Variants in ANOS1 observed in about 807,000 individuals in gnomAD.
The protein encoded by ANOS1 is anosmin 1, also known as anosmin-1.
In ANOS1, 6 loss-of-function variants were observed where a neutral mutation model predicts 59.0. The ratio of observed to expected loss-of-function variants is 0.10; its 90% CI spans 0.06 to 0.20. The LOEUF is 0.20. Ranked by LOEUF, ANOS1 falls within the 10% of genes least tolerant of loss-of-function variation. The probability of loss-of-function intolerance (pLI) is 1.00; values close to 1 mark genes in which losing one functional copy is unlikely to be tolerated. For synonymous variants in ANOS1, 217 were observed against 223.4 expected (o/e 0.97, Z 0.25); for missense variants, 433 against 542.3 (o/e 0.80, Z 2.00).
intron 3 of ANOS1, among the ~76,000 whole-genome samples, chrX:8,605,894 A>G (rs1350679029): frequency 2.8e-5 from 3 of 108,278 alleles, no homozygotes; most frequent in Non-Finnish European, 5.7e-5. Context: ...ATGTCTCTCT[A>G]CTAAATTTAG....
At chrX:8,547,382 C>G (rs1929785563) in intron 9 of ANOS1, among the ~76,000 whole-genome samples, 1 of 112,045 alleles carries the variant, frequency 8.9e-6, no homozygotes, top group South Asian at 3.7e-4. Context: ...AAGTGTTCAT[C>G]TTCCCTGGCC....
intron 3 of ANOS1, among the ~76,000 whole-genome samples, chrX:8,606,704 C>T (rs899155054): frequency 8.9e-6 from 1 of 112,739 alleles, no homozygotes; most frequent in African/African-American, 3.2e-5. Context: ...TGTGTTAACA[C>T]GTTTCTGCAC....
At chrX:8,641,865 C>T (rs1194612936) in intron 2 of ANOS1, among the ~76,000 whole-genome samples, 1 of 111,405 alleles carries the variant, frequency 9.0e-6, no homozygotes, top group African/African-American at 3.3e-5. Context: ...GTTTTTTTCC[C>T]CCTGTTGTCT....
intron 9 of ANOS1, among the ~76,000 whole-genome samples, chrX:8,547,532 T>C (rs1929787959): frequency 8.9e-6 from 1 of 112,119 alleles, no homozygotes; most frequent in African/African-American, 3.2e-5. Flanking sequence ...TAATGTCTTA[T>C]TATGTGGCAA....
At chrX:8,594,082 G>A (rs967094091) in intron 4 of ANOS1, among the ~76,000 whole-genome samples, 1 of 111,150 alleles carries the variant, frequency 9.0e-6, no homozygotes, top group Non-Finnish European at 1.9e-5. Context: ...ATCTATTTCT[G>A]CTACCTACTA....
At position 8,702,679 on chromosome X, in the gene ANOS1, G is replaced by C. The variant is rs187361677; in HGVS notation, c.208-2934C>G. On this transcript the variant is annotated intron_variant, in intron 1 of 13. Transcript: ENST00000262648. ...GGGTTTCATAGTTAAAGCTTCCCCT[G>C]CTTCCCCTGTGCAGAGTTGGCTCCT... 3.6e-5 allele frequency among the ~76,000 whole-genome samples: 4 copies of C among 112,257 alleles called. No individual in the cohort carries two copies. The East Asian group carries it at 1.1e-3, about 32-fold the overall frequency.
intron 2 of ANOS1, among the ~76,000 whole-genome samples, chrX:8,649,479 A>G (rs756047295): frequency 6.4e-4 from 72 of 111,898 alleles, no homozygotes; most frequent in Middle Eastern, 4.6e-3. Context: ...CATGGTCCAC[A>G]GAGGTGGGAC....
intron 9 of ANOS1, among the ~76,000 whole-genome samples, chrX:8,540,838 CT>C (rs1488478321): frequency 9.1e-6 from 1 of 110,354 alleles, no homozygotes; most frequent in Non-Finnish European, 1.9e-5. Context: ...GGGCATTTAG[CT>C]AAAAGAGAAA....
At chrX:8,554,312 TGGGGCG>T (rs1929905889) in intron 8 of ANOS1, among the ~76,000 whole-genome samples, 1 of 110,847 alleles carries the variant, frequency 9.0e-6, no homozygotes, top group African/African-American at 3.3e-5. Context: ...AGAAGCAGGG[TGGGGCG>T]TTGCCTCACC....
intron 11 of ANOS1, among the ~76,000 whole-genome samples, chrX:8,536,072 T>C (rs1220890893): frequency 1.8e-5 from 2 of 110,228 alleles, no homozygotes; most frequent in East Asian, 5.7e-4. Context: ...CTTTTGAAGA[T>C]GGAGGCAGGA....
chrX:8,724,775 C>G (rs1429924016), intron 1 of ANOS1, among the ~76,000 whole-genome samples: 1 of 112,104 alleles, frequency 8.9e-6, no homozygotes, highest in African/African-American at 3.2e-5. Flanking sequence ...CCCAAAATGA[C>G]ACATTTTCCT....
chrX:8,590,062 C>T (rs1930589150), intron 4 of ANOS1, among the ~76,000 whole-genome samples: 1 of 111,532 alleles, frequency 9.0e-6, no homozygotes, highest in Admixed American at 9.6e-5. Context: ...TCTTTTTCTA[C>T]TGTCCCCTTA....
At chrX:8,541,520 G>A (rs1287874863) in intron 9 of ANOS1, among the ~76,000 whole-genome samples, 3 of 100,951 alleles carry the variant, frequency 3.0e-5, no homozygotes, top group African/African-American at 1.1e-4. Context: ...GGCGGCTGGC[G>A]TGTGTTCAAT....
chrX:8,554,542 GTTTTTTTTTTTTT>G (rs757605733), intron 8 of ANOS1, among the ~76,000 whole-genome samples: 2 of 50,826 alleles, frequency 3.9e-5, no homozygotes, highest in Non-Finnish European at 6.7e-5. Context: ...GGCTACAGGA[GTTTTTTTTTTTTT>G]TTTTTTTTTT....
intron 10 of ANOS1, among the ~76,000 whole-genome samples, chrX:8,537,550 T>C (rs1929615737): frequency 8.9e-6 from 1 of 111,778 alleles, no homozygotes; most frequent in Non-Finnish European, 1.9e-5. Flanking sequence ...GTTTCTTTCA[T>C]ATTTGGCTAA....
At chrX:8,642,760 C>T (rs914313278) in intron 2 of ANOS1, among the ~76,000 whole-genome samples, 1 of 111,110 alleles carries the variant, frequency 9.0e-6, no homozygotes, top group African/African-American at 3.3e-5. Flanking sequence ...GTTTGGTCCT[C>T]CCCTCTCCCA....
intron 9 of ANOS1, among the ~76,000 whole-genome samples, chrX:8,550,032 T>C (rs889653299): frequency 2.7e-4 from 30 of 111,422 alleles, no homozygotes; most frequent in African/African-American, 9.8e-4. Context: ...ACATCAAAGA[T>C]ATGGAAAGGA....
chrX:8,701,075 T>G (rs1159704089), intron 1 of ANOS1, among the ~76,000 whole-genome samples: 1 of 111,583 alleles, frequency 9.0e-6, no homozygotes, highest in Non-Finnish European at 1.9e-5. Flanking sequence ...AATTGCTGTA[T>G]TCCACATAAC....
At chrX:8,612,878 GTAAA>G (rs34766847) in intron 3 of ANOS1, among the ~76,000 whole-genome samples, 40,296 of 109,571 alleles carry the variant, frequency 0.37, 5,498 homozygotes, top group South Asian at 0.42. Context: ...GTCTCAATAA[GTAAA>G]TAAATAAACT....
Sources: gnomAD v4.1 joint callset for allele counts (sites outside exome capture counted in the v4.1 genomes callset) on GRCh38, gnomAD v4.1.1 for gene constraint, MANE v1.5 for transcripts, NCBI Gene and HGNC (gene_info 2026-07-23, HGNC 2026-07-21) for gene names.